NUP210: variants seen among roughly 807,000 people sequenced by gnomAD.
The protein encoded by NUP210 is nuclear pore membrane glycoprotein 210.
NUP210 carries 151 observed loss-of-function variants against 196.0 expected under a neutral mutation model. That is an observed-to-expected ratio of 0.77 (90% CI 0.67 to 0.88). The LOEUF (loss-of-function observed/expected upper bound fraction) is 0.88. Among genes scored for constraint, NUP210 ranks in the 40% least tolerant of loss-of-function variants. The pLI, the probability that NUP210 is intolerant of heterozygous loss-of-function variation, is 0.00. For missense variants in NUP210, 2,314 were observed against 2,493.7 expected, an observed-to-expected ratio of 0.93 and a Z score of 1.53; for synonymous variants, 1,070 against 1,052.7, an observed-to-expected ratio of 1.02 and a Z score of -0.32.
intron 1 of NUP210, among the ~76,000 whole-genome samples, chr3:13,417,741 C>T (rs1700393281): frequency 6.6e-6 from 1 of 152,206 alleles, no homozygotes; most frequent in Non-Finnish European, 1.5e-5. Flanking sequence ...AGCAGTCACA[C>T]ATCTGCAGTC....
intron 6 of NUP210, among the ~76,000 whole-genome samples, chr3:13,381,308 G>A (rs965392753): frequency 3.3e-5 from 5 of 152,098 alleles, no homozygotes; most frequent in Non-Finnish European, 7.4e-5. Context: ...TACATTGAAG[G>A]GGACTTACAT....
chr3:13,332,139 A>G (rs1438712827), intron 29 of NUP210, among the ~76,000 whole-genome samples, 154 bp downstream of exon 29: 1 of 152,222 alleles, frequency 6.6e-6, no homozygotes, highest in Admixed American at 6.5e-5. Context: ...ACCACAGAGA[A>G]GAGAAGGAGC....
intron 27 of NUP210, 38 bp from the exon 28 acceptor site, chr3:13,335,650 C>T: frequency 6.2e-7 from 1 of 1,606,068 alleles, no homozygotes; most frequent in Admixed American, 1.7e-5. Flanking sequence ...GGGTAAGGCC[C>T]AGGCCCCTGT....
intron 1 of NUP210, among the ~76,000 whole-genome samples, chr3:13,410,713 C>T (rs571505883): frequency 8.1e-4 from 119 of 147,722 alleles, no homozygotes; most frequent in Non-Finnish European, 1.3e-3. Flanking sequence ...GTCAGGAGAT[C>T]GAGACCATCC....
intron 16 of NUP210, among the ~76,000 whole-genome samples, chr3:13,356,174 G>A (rs1156830513): frequency 6.6e-6 from 1 of 152,204 alleles, no homozygotes; most frequent in Non-Finnish European, 1.5e-5. Context: ...GAGGGCCAGG[G>A]TCAGGCTGAG....
In NUP210 at chr3:13,366,095, C is replaced by G. The variant is rs1698523736; in HGVS notation, c.1787-4G>C. 1.9e-6 allele frequency: 3 copies of G among 1,612,836 alleles called. No homozygotes were observed. The highest frequency in any genetic ancestry group is 2.5e-6 in the Non-Finnish European group (3 of 1,179,416). On this transcript the variant is annotated splice_polypyrimidine_tract_variant and splice_region_variant and intron_variant, in intron 13 of 39. Coordinates refer to ENST00000254508, the MANE Select transcript of NUP210 (RefSeq NM_024923.4). ...TCAGAGCCTGGCGGCAGCCTCCCTA[C>G]AGAAAGGAGAGAACTAGATGGTCAC... is the stretch of plus-strand genomic sequence containing the variant.
In NUP210 at chr3:13,328,752, A is replaced by G. The variant is rs1329523578; in HGVS notation, c.4286+19T>C. ...CAGACAGGACTTCATAGGAGAAATGACCCTTGCCCACATCCTACCTGTTAG... is the reference window on the plus strand; with the variant it reads ...CAGACAGGACTTCATAGGAGAAATGGCCCTTGCCCACATCCTACCTGTTAG... On this transcript the variant is annotated intron_variant, in intron 31 of 39. Transcript: ENST00000254508. The G allele has an allele frequency of 1.2e-6, 2 of 1,610,810 alleles. No individual in the cohort carries two copies.
At chr3:13,342,436 C>G (rs1011037376) in intron 21 of NUP210, among the ~76,000 whole-genome samples, 4 of 152,212 alleles carry the variant, frequency 2.6e-5, no homozygotes, top group African/African-American at 9.6e-5. Flanking sequence ...ACTGACTGAA[C>G]AGCTCACACC....
chr3:13,335,472 C>T lies in NUP210; in HGVS notation c.3825G>A (p.Ser1275=), dbSNP rs1271900424. 6.2e-6 allele frequency: 10 copies of T among 1,613,552 alleles called. No individual in the cohort carries two copies. The African/African-American group carries it at 6.7e-5, about 11-fold the overall frequency. Reference sequence around the variant, plus strand: ...CTCCTACCTGGACTTGGATCTCATCCGAGAGTTCTCTGGCCAGGCCATACA... The same window carrying T: ...CTCCTACCTGGACTTGGATCTCATCTGAGAGTTCTCTGGCCAGGCCATACA... ...GQLYGLAREL[S]DEIQVQVFEK... Residue 1275 remains serine, a synonymous_variant, in exon 28 of 40, where the codon TCG becomes TCA. Transcript: ENST00000254508.
chr3:13,332,233 A>G, intron 29 of NUP210, 60 bp downstream of exon 29: 2 of 1,329,538 alleles, frequency 1.5e-6, no homozygotes, highest in Non-Finnish European at 2.2e-6. Flanking sequence ...TTGACACATG[A>G]GGTGTCGGAT....
rs780022993 is a variant in NUP210 at position 13,341,724 on chromosome 3, T to C, written c.3228+24A>G. The C allele has an allele frequency of 2.5e-6, 4 of 1,612,084 alleles. No homozygotes were observed. The South Asian group carries it at 4.4e-5, about 18-fold the overall frequency. On this transcript the variant is annotated intron_variant, in intron 23 of 39. Transcript: ENST00000254508. ...CCCCCAGCACTGGGCTGATCCCACATGGTGTGGGAAGAACTCGTCTTACTT... is the reference window on the plus strand; with the variant it reads ...CCCCCAGCACTGGGCTGATCCCACACGGTGTGGGAAGAACTCGTCTTACTT...
chr3:13,340,092 C>T lies in NUP210; in HGVS notation c.3292-59G>A. ...CCGTCATGCCAGGCAGCCCGCACCT[C>T]CCACTCAGAGAGCCAGGGCCCCAGT... On this transcript the variant is annotated intron_variant, in intron 24 of 39. Coordinates refer to ENST00000254508, the MANE Select transcript of NUP210 (RefSeq NM_024923.4). The surrounding 1 kb of genome is among the most constrained non-coding windows in gnomAD (Gnocchi z 4.0). 1 of 1,602,496 alleles carries T rather than the reference C, an allele frequency of 6.2e-7. No individual in the cohort carries two copies. The highest frequency in any genetic ancestry group is 8.5e-7 in the Non-Finnish European group (1 of 1,172,212).
intron 3 of NUP210, among the ~76,000 whole-genome samples, chr3:13,393,944 C>T (rs961454151): frequency 4.6e-5 from 7 of 152,182 alleles, no homozygotes; most frequent in Admixed American, 2.6e-4. Context: ...TACCCAATGC[C>T]GGCTGGCCCC....
chr3:13,320,836 G>A (rs1286875626), intron 36 of NUP210, among the ~76,000 whole-genome samples: 7 of 149,850 alleles, frequency 4.7e-5, no homozygotes, highest in African/African-American at 7.4e-5. Flanking sequence ...AACTTGCAGT[G>A]AGCCCAGATT....
Position 13,347,078 on chromosome 3 carries a change from A to T in NUP210, c.2836-3775T>A. 1 of 985,418 alleles carries T rather than the reference A, an allele frequency of 1.0e-6. No individual in the cohort carries two copies. Among genetic ancestry groups the T allele is most frequent in the Non-Finnish European group, 1.2e-6 (1 of 829,926 alleles). 61.0% of individuals were successfully genotyped at this position (985,418 alleles called of 1,614,324 possible). ...CACCCACTCCCCACTCATCCTGGAC[A>T]CATGTCCTCACCTGAACAATGGCCC... On this transcript the variant is annotated intron_variant, in intron 20 of 39. Coordinates refer to ENST00000254508, the MANE Select transcript of NUP210 (RefSeq NM_024923.4). The surrounding 1 kb of genome is among the most constrained non-coding windows in gnomAD (Gnocchi z 4.7).
chr3:13,386,291 C>T lies in NUP210; in HGVS notation c.801G>A (p.Arg267=), dbSNP rs372471080. ...ATGACACACCTGTAATTTTCCCTTG[C>T]CTGATCTTCTGCACCTTGTAGTGAA... The part of the protein sequence containing the change: ...TSIHYKVQKI[R]QGKITELSMP... Residue 267 remains arginine (R), a synonymous_variant, in exon 6 of 40, where the codon AGG becomes AGA. Transcript: ENST00000254508. 19 of 1,613,310 alleles carry T rather than the reference C, an allele frequency of 1.2e-5. No individual in the cohort carries two copies. The African/African-American group carries it at 2.3e-4, about 19-fold the overall frequency.
intron 1 of NUP210, among the ~76,000 whole-genome samples, chr3:13,402,707 CAA>C (rs60357556): frequency 6.8e-6 from 1 of 148,132 alleles, no homozygotes; most frequent in African/African-American, 2.4e-5. Context: ...CATTTTCCGT[CAA>C]AAAAAAAAGT....
chr3:13,390,231 G>T (rs1195683793), intron 4 of NUP210, among the ~76,000 whole-genome samples: 1 of 152,208 alleles, frequency 6.6e-6, no homozygotes, highest in Admixed American at 6.5e-5. Flanking sequence ...GGGACATGAG[G>T]CTGGCAGCCG....
chr3:13,381,076 G>A (rs1699082880), intron 6 of NUP210, among the ~76,000 whole-genome samples: 1 of 152,242 alleles, frequency 6.6e-6, no homozygotes, highest in African/African-American at 2.4e-5. Context: ...CAAAGGGAAT[G>A]CACAGCCCAC....
Sources: allele counts gnomAD v4.1 joint callset (sites outside exome capture counted in the v4.1 genomes callset), GRCh38; gene constraint gnomAD v4.1.1; non-coding constraint Gnocchi (gnomAD v3.1); transcripts MANE v1.5; gene names NCBI Gene and HGNC (gene_info 2026-07-23, HGNC 2026-07-21).